Variants in CEP350 observed in about 807,000 individuals in gnomAD.
CEP350 encodes the protein centrosome-associated protein 350.
Under a neutral mutation model 331.8 loss-of-function variants are expected in CEP350, and 126 were observed. The observed-to-expected ratio is 0.38, with a 90% CI of 0.33 to 0.44. CEP350 has a LOEUF of 0.44. Ranked by LOEUF, CEP350 falls within the 20% of genes least tolerant of loss-of-function variation. The pLI is 1.00. For synonymous variants in CEP350, 1,200 were observed against 1,259.5 expected (o/e 0.95, Z 1.00); for missense variants, 3,406 against 3,634.6 (o/e 0.94, Z 1.62).
intron 3 of CEP350, 55 bp from the exon 4 acceptor site, chr1:179,990,452 T>C (rs1652974193): frequency 2.3e-6 from 2 of 888,436 alleles, no homozygotes; most frequent in African/African-American, 3.4e-5. Flanking sequence ...AAATTGATGG[T>C]AGCTGGATTA....
chr1:180,069,596 T>C (rs1222406024), intron 27 of CEP350, among the ~76,000 whole-genome samples: 2 of 152,194 alleles, frequency 1.3e-5, no homozygotes, highest in East Asian at 3.8e-4. Flanking sequence ...AATCATGTGC[T>C]GTATTATTTT....
chr1:180,004,906 G>C (rs2501612), intron 7 of CEP350, among the ~76,000 whole-genome samples: 2 of 130,796 alleles, frequency 1.5e-5, no homozygotes, highest in African/African-American at 3.1e-5. Flanking sequence ...TTGCTTGCTT[G>C]CTTTCTTTCT....
intron 1 of CEP350, among the ~76,000 whole-genome samples, 160 bp downstream of exon 1, chr1:179,955,302 C>T (rs1650085235): frequency 6.6e-6 from 1 of 152,226 alleles, no homozygotes. Flanking sequence ...TCCCTGGGTT[C>T]TGAGGCTTTT....
chr1:179,980,356 A>G (rs1652185065), intron 1 of CEP350, among the ~76,000 whole-genome samples: 1 of 151,218 alleles, frequency 6.6e-6, no homozygotes, highest in Non-Finnish European at 1.5e-5. Flanking sequence ...CATTATTTAT[A>G]TATAGAATCA....
At chr1:180,059,551 C>G (rs1379391316) in intron 25 of CEP350, among the ~76,000 whole-genome samples, 2 of 151,182 alleles carry the variant, frequency 1.3e-5, no homozygotes, top group African/African-American at 4.9e-5. Flanking sequence ...AATCCATAAT[C>G]AGACATCTTT....
At chr1:180,074,994 C>A in intron 27 of CEP350, 28 bp from the exon 28 acceptor site, 1 of 1,571,402 alleles carries the variant, frequency 6.4e-7, no homozygotes, top group South Asian at 1.2e-5. Context: ...TTTTTTCTCT[C>A]AAACTGTTCT....
At position 180,080,507 on chromosome 1, in the gene CEP350, G is replaced by C. The variant is rs960607300; in HGVS notation, c.5980-10G>C. 1 of 1,609,808 alleles carries C rather than the reference G, an allele frequency of 6.2e-7. No homozygotes were observed. Among genetic ancestry groups the C allele is most frequent in the African/African-American group, 1.3e-5 (1 of 74,712 alleles). ...AAAAATAGTTTCCATTTGGTTTTCT[G>C]TTTGAACAGTCACTTCCCAAAAGCT... On this transcript the variant is annotated splice_polypyrimidine_tract_variant and intron_variant, in intron 29 of 37. Transcript: ENST00000367607.
At chr1:179,975,752 G>A (rs1651815154) in intron 1 of CEP350, among the ~76,000 whole-genome samples, 1 of 152,142 alleles carries the variant, frequency 6.6e-6, no homozygotes, top group South Asian at 2.1e-4. Flanking sequence ...TGAAAAATTT[G>A]AGGTGCCAAT....
At chr1:179,960,707 T>C (rs1392432679) in intron 1 of CEP350, among the ~76,000 whole-genome samples, 1 of 152,196 alleles carries the variant, frequency 6.6e-6, no homozygotes, top group Non-Finnish European at 1.5e-5. Context: ...CCAAAATGAT[T>C]TCAAGATTTG....
At chr1:180,090,936 T>G in intron 33 of CEP350, 140 bp downstream of exon 33, 1 of 744,764 alleles carries the variant, frequency 1.3e-6, no homozygotes, top group Non-Finnish European at 1.9e-6. Context: ...TAAAGTTACT[T>G]TTATATTTTA....
rs1558092860 is a variant in CEP350 at position 180,004,878 on chromosome 1, GCTTGCTT to G, written c.1133-1575_1133-1569del. ...CTTGGGCAGGCAGGCTGGCTGGCTTGCTTGCTTGCTTGCTTGCTTGCTTGCTTGCTTT... is the reference window on the plus strand; with the variant it reads ...CTTGGGCAGGCAGGCTGGCTGGCTTGGCTTGCTTGCTTGCTTGCTTGCTTT... On this transcript the variant is annotated intron_variant, in intron 7 of 37. Transcript: ENST00000367607. Among the ~76,000 whole-genome samples the G allele has an allele frequency of 8.0e-3, 752 of 93,708 alleles. 9 individuals carry two copies. Among genetic ancestry groups the G allele is most frequent in the African/African-American group, 0.012 (313 of 25,322 alleles). 61.5% of individuals were successfully genotyped at this position (93,708 alleles called of 152,430 possible). A position where few individuals can be genotyped will look rare whatever the true frequency, so the allele number is the denominator to read the frequency against.
At chr1:180,066,108 A>G (rs959556984) in intron 27 of CEP350, among the ~76,000 whole-genome samples, 2 of 152,198 alleles carry the variant, frequency 1.3e-5, no homozygotes, top group Non-Finnish European at 2.9e-5. Context: ...ATTATTTTGT[A>G]AAGACTCTTA....
At chr1:180,063,868 A>G (rs766152867) in intron 26 of CEP350, among the ~76,000 whole-genome samples, 1 of 152,184 alleles carries the variant, frequency 6.6e-6, no homozygotes, top group Non-Finnish European at 1.5e-5. Context: ...TATAATTTTT[A>G]AAATTCCTAA....
chr1:180,093,215 T>G lies in CEP350; in HGVS notation c.7110T>G (p.Pro2370=). 3 of 1,601,372 alleles carry G rather than the reference T, an allele frequency of 1.9e-6. No homozygotes were observed. Among genetic ancestry groups the G allele is most frequent in the Non-Finnish European group, 1.7e-6 (2 of 1,172,966 alleles). Residue 2370 remains proline, a synonymous_variant, in exon 34 of 38, where the codon CCT becomes CCG. Coordinates refer to ENST00000367607, the MANE Select transcript of CEP350 (RefSeq NM_014810.5). ...DLSWSEHLFA[P]KEIPYSEDFE... is the part of the protein sequence containing the mutation. ...CTTGGTCAGAACATCTTTTTGCTCC[T>G]AAAGAGATACCATACTCTGAAGATT...
intron 17 of CEP350, among the ~76,000 whole-genome samples, chr1:180,038,204 C>G (rs987089860): frequency 6.6e-6 from 1 of 152,126 alleles, no homozygotes. Flanking sequence ...AAGATTTATC[C>G]ATGTTGTTTT....
At chr1:180,062,625 T>G (rs1007375031) in intron 26 of CEP350, among the ~76,000 whole-genome samples, 1 of 152,180 alleles carries the variant, frequency 6.6e-6, no homozygotes, top group African/African-American at 2.4e-5. Context: ...GTGCCACATC[T>G]GGTGAGGGCC....
At chr1:180,077,522 C>G (rs1013806744) in intron 28 of CEP350, among the ~76,000 whole-genome samples, 1 of 151,640 alleles carries the variant, frequency 6.6e-6, no homozygotes, top group Non-Finnish European at 1.5e-5. Context: ...GAAATATTAG[C>G]CGGGCATGGT....
chr1:180,056,972 G>A (rs1657889235), intron 25 of CEP350, among the ~76,000 whole-genome samples: 1 of 152,094 alleles, frequency 6.6e-6, no homozygotes, highest in Non-Finnish European at 1.5e-5. Context: ...TTTGCCCAGT[G>A]TGCTGCTAAG....
chr1:179,966,590 G>A (rs1271943119), intron 1 of CEP350, among the ~76,000 whole-genome samples: 3 of 152,066 alleles, frequency 2.0e-5, no homozygotes, highest in Non-Finnish European at 2.9e-5. Flanking sequence ...AACAAAGGGG[G>A]CTAGAACACA....
Sources: allele counts gnomAD v4.1 joint callset (sites outside exome capture counted in the v4.1 genomes callset), GRCh38; gene constraint gnomAD v4.1.1; transcripts MANE v1.5; gene names NCBI Gene and HGNC (gene_info 2026-07-23, HGNC 2026-07-21).